CYRIB: variants seen among roughly 807,000 people sequenced by gnomAD.
The protein encoded by CYRIB is CYFIP-related Rac1 interactor B.
Under a neutral mutation model 44.2 loss-of-function variants are expected in CYRIB, and 8 were observed. That is an observed-to-expected ratio of 0.18 (90% confidence interval 0.11 to 0.33). The LOEUF (loss-of-function observed/expected upper bound fraction) is 0.33. CYRIB is among the 10% of genes least tolerant of loss of function. The pLI is 1.00. For missense variants in CYRIB, 185 were observed against 382.8 expected (o/e 0.48, Z 4.31); for synonymous variants, 131 against 127.2 (o/e 1.03, Z -0.20).
intron 2 of CYRIB, among the ~76,000 whole-genome samples, chr8:129,897,726 G>C (rs573952835): frequency 6.6e-6 from 1 of 151,314 alleles, no homozygotes; most frequent in Non-Finnish European, 1.5e-5. Flanking sequence ...CTTGAGCCCA[G>C]GAGTTCGAGA....
chr8:129,846,226 A>G (rs2039917745), intron 11 of CYRIB, among the ~76,000 whole-genome samples: 1 of 152,254 alleles, frequency 6.6e-6, no homozygotes, highest in Admixed American at 6.5e-5. Flanking sequence ...ATGACTACTT[A>G]ATTTTTATTG....
exon 7 of CYRIB, chr8:129,854,289 G>C: frequency 6.2e-7 from 1 of 1,610,316 alleles, no homozygotes. Flanking sequence ...ATCCTCATAC[G>C]ACTCAATGTT....
At chr8:129,880,589 T>C in intron 2 of CYRIB, 1 of 227,676 alleles carries the variant, frequency 4.4e-6, no homozygotes, top group South Asian at 1.6e-4. Context: ...CATTGAGAAT[T>C]TGGAACAACA....
chr8:129,875,871 T>C (rs1214594028), intron 3 of CYRIB, among the ~76,000 whole-genome samples: 1 of 152,088 alleles, frequency 6.6e-6, no homozygotes, highest in East Asian at 1.9e-4. Flanking sequence ...CCCAGCACTT[T>C]GGGAGGCTGA....
At chr8:129,931,805 T>C (rs1482306458) in intron 1 of CYRIB, among the ~76,000 whole-genome samples, 2 of 151,878 alleles carry the variant, frequency 1.3e-5, no homozygotes, top group Admixed American at 1.3e-4. Flanking sequence ...CTTTGTATTT[T>C]AAGTAGAGAC....
chr8:129,942,927 T>C (rs1452346547), upstream of CYRIB, among the ~76,000 whole-genome samples: 2 of 152,206 alleles, frequency 1.3e-5, no homozygotes, highest in Non-Finnish European at 2.9e-5. Context: ...ATTGTCTCTG[T>C]CTACTTTTTT....
chr8:129,855,561 T>G (rs1477969155), intron 6 of CYRIB, 50 bp downstream of exon 8: 1 of 1,598,380 alleles, frequency 6.3e-7, no homozygotes, highest in Admixed American at 1.7e-5. Flanking sequence ...CTAGTACTCA[T>G]TAAAAGATTC....
At chr8:129,903,059 T>C (rs751118990) in intron 2 of CYRIB, 2 of 152,470 alleles carry the variant, frequency 1.3e-5, no homozygotes, top group Non-Finnish European at 2.9e-5. Flanking sequence ...ATGACTTAAT[T>C]CAAAGGAAAA....
At chr8:129,849,495 T>C in intron 9 of CYRIB, 126 bp from the exon 12 acceptor site, 1 of 910,608 alleles carries the variant, frequency 1.1e-6, no homozygotes, top group South Asian at 1.9e-5. Context: ...TTGAATGCAG[T>C]ATGTTCACAA....
intron 4 of CYRIB, chr8:129,864,861 C>T (rs1587823374): frequency 2.4e-6 from 1 of 414,118 alleles, no homozygotes; most frequent in Admixed American, 2.7e-5. Context: ...CCTCATTGAT[C>T]AATTCCATAA....
chr8:129,983,022 A>C (rs1219903284), intron 1 of CYRIB, among the ~76,000 whole-genome samples: 5 of 152,068 alleles, frequency 3.3e-5, no homozygotes, highest in Non-Finnish European at 5.9e-5. Flanking sequence ...AAAAAAAAAA[A>C]AAAACACCCT....
intron 1 of CYRIB, among the ~76,000 whole-genome samples, chr8:129,987,062 T>C (rs1591814634): frequency 6.6e-6 from 1 of 152,102 alleles, no homozygotes; most frequent in African/African-American, 2.4e-5. Context: ...AGGAAAGGGG[T>C]ACCTTCCCCC....
chr8:129,978,093 T>A (rs1415535643), intron 1 of CYRIB, among the ~76,000 whole-genome samples: 2 of 152,022 alleles, frequency 1.3e-5, no homozygotes, highest in Non-Finnish European at 2.9e-5. Context: ...ATTTTTTTTT[T>A]ATTTCATGTA....
At chr8:129,914,246 G>A (rs1290828748) in intron 1 of CYRIB, among the ~76,000 whole-genome samples, 4 of 152,138 alleles carry the variant, frequency 2.6e-5, no homozygotes, top group African/African-American at 9.7e-5. Flanking sequence ...AAATTCTAAT[G>A]GAATATAAAT....
intron 3 of CYRIB, among the ~76,000 whole-genome samples, chr8:129,872,000 T>C (rs1045382719): frequency 6.6e-5 from 10 of 152,146 alleles, no homozygotes; most frequent in African/African-American, 1.9e-4. Flanking sequence ...AAAAAAACTT[T>C]AATAGTTTTT....
intron 1 of CYRIB, among the ~76,000 whole-genome samples, chr8:129,986,309 C>G (rs369937609): frequency 6.6e-6 from 1 of 152,206 alleles, no homozygotes; most frequent in Admixed American, 6.5e-5. Flanking sequence ...GGACAGGCCC[C>G]AGAACTGCCC....
At chr8:129,990,462 G>C (rs1202183515) in intron 1 of CYRIB, among the ~76,000 whole-genome samples, 1 of 144,818 alleles carries the variant, frequency 6.9e-6, no homozygotes, top group African/African-American at 2.5e-5. Flanking sequence ...GAACAATACG[G>C]TGTGTGTGTG....
At chr8:129,979,441 C>T (rs960016343) in intron 1 of CYRIB, among the ~76,000 whole-genome samples, 4 of 152,094 alleles carry the variant, frequency 2.6e-5, no homozygotes, top group Non-Finnish European at 4.4e-5. Flanking sequence ...CTGTCTTCTC[C>T]GAGACTATAA....
At chr8:129,948,558 C>T (rs2094315114) in intron 2 of CYRIB, 1 of 152,158 alleles carries the variant, frequency 6.6e-6, no homozygotes. Flanking sequence ...GGAAAAGGCA[C>T]AGGCACAGGA....
Sources: gnomAD v4.1 joint callset for allele counts (sites outside exome capture counted in the v4.1 genomes callset) on GRCh38, gnomAD v4.1.1 for gene constraint, MANE v1.5 for transcripts, NCBI Gene and HGNC (gene_info 2026-07-23, HGNC 2026-07-21) for gene names.